Variants in SPATS2L observed in about 807,000 individuals in gnomAD.
SPATS2L encodes SPATS2-like protein.
In SPATS2L, 30 loss-of-function variants were observed where a neutral mutation model predicts 59.6. That is an observed-to-expected ratio of 0.50 (90% CI 0.38 to 0.68). The LOEUF is 0.68. SPATS2L is among the 30% of genes least tolerant of loss of function. The probability of loss-of-function intolerance (pLI) is 0.00; values close to 1 mark genes in which losing one functional copy is unlikely to be tolerated. For synonymous variants in SPATS2L, 252 were observed against 263.5 expected (o/e 0.96, Z 0.42); for missense variants, 615 against 700.0 (o/e 0.88, Z 1.37).
Position 200,419,440 on chromosome 2 carries a change from G to C in SPATS2L, c.389G>C (p.Arg130Pro). ...AACGAAAAACCAGCCCTTATCCCTC[G>C]TGAGAAAAAGATCTCGATACTTGAG... ...SANEKPALIPREKKISILEEP... is the reference protein window; with the variant it reads ...SANEKPALIPPEKKISILEEP... The change falls in exon 6 of 13, where the codon CGT becomes CCT. Residue 130 changes from arginine (R) to proline (P), a missense_variant. By Grantham distance (103) the Arg-to-Pro change is moderately radical. This residue lies in a region of SPATS2L where 227 missense variants were observed against 257.4 expected (regional missense o/e 0.88). Coordinates refer to ENST00000409140, the MANE Select transcript of SPATS2L (RefSeq NM_001100423.2). 1 of 1,613,818 alleles carries C rather than the reference G, an allele frequency of 6.2e-7. No homozygotes were observed.
At chr2:200,457,929 A>G (rs2085964754) in intron 8 of SPATS2L, among the ~76,000 whole-genome samples, 1 of 152,252 alleles carries the variant, frequency 6.6e-6, no homozygotes, top group Non-Finnish European at 1.5e-5. Flanking sequence ...CTGATGGAGA[A>G]GAAAAAGTCC....
intron 6 of SPATS2L, among the ~76,000 whole-genome samples, chr2:200,433,086 T>C (rs1159783825): frequency 6.6e-6 from 1 of 152,152 alleles, no homozygotes; most frequent in Non-Finnish European, 1.5e-5. Flanking sequence ...AAGCCTCATA[T>C]CCAAGGGTCA....
Position 200,450,032 on chromosome 2 carries a change from A to C in SPATS2L, c.788+9248A>C, listed in dbSNP as rs556417452. On this transcript the variant is annotated intron_variant, in intron 8 of 12. Transcript: ENST00000409140. ...AAGACGCATTTTCCAAGGTTTATTA[A>C]CCACTTAATTAGGAGGCACGGGATG... Among the ~76,000 whole-genome samples the C allele has an allele frequency of 1.1e-4, 17 of 152,346 alleles. No individual in the cohort carries two copies. In the South Asian group the frequency reaches 3.5e-3, roughly 32 times the overall value.
chr2:200,422,231 A>T (rs1005857978), intron 6 of SPATS2L, among the ~76,000 whole-genome samples: 2 of 152,298 alleles, frequency 1.3e-5, no homozygotes, highest in South Asian at 4.1e-4. Flanking sequence ...CTGTGCAATA[A>T]ATTTTTCTGT....
chr2:200,368,655 T>C (rs1237561249), intron 2 of SPATS2L, among the ~76,000 whole-genome samples: 1 of 152,172 alleles, frequency 6.6e-6, no homozygotes, highest in Non-Finnish European at 1.5e-5. Context: ...GCTTTTGTGC[T>C]AACTAAGGAG....
intron 6 of SPATS2L, among the ~76,000 whole-genome samples, chr2:200,433,610 AAATAT>A (rs983762984): frequency 6.6e-6 from 1 of 152,112 alleles, no homozygotes; most frequent in Non-Finnish European, 1.5e-5. Context: ...ATCATAATGA[AAATAT>A]AATAAACCAA....
intron 2 of SPATS2L, among the ~76,000 whole-genome samples, chr2:200,369,986 G>C (rs1025428809): frequency 2.0e-5 from 3 of 152,200 alleles, no homozygotes; most frequent in Admixed American, 6.5e-5. Context: ...AACAAAATGT[G>C]AGTAAGAAGG....
chr2:200,430,835 A>C (rs1210493104), intron 6 of SPATS2L, among the ~76,000 whole-genome samples: 1 of 150,016 alleles, frequency 6.7e-6, no homozygotes, highest in African/African-American at 2.5e-5. Context: ...CTCGTGCCTC[A>C]GCTTCCCAAG....
chr2:200,321,980 G>A (rs1004194527), intron 1 of SPATS2L, among the ~76,000 whole-genome samples: 3 of 152,168 alleles, frequency 2.0e-5, no homozygotes, highest in African/African-American at 7.2e-5. Context: ...TTCCATTCTG[G>A]CATGTAGTTC....
At chr2:200,402,554 G>A (rs1490395456) in intron 3 of SPATS2L, among the ~76,000 whole-genome samples, 1 of 152,162 alleles carries the variant, frequency 6.6e-6, no homozygotes, top group Admixed American at 6.5e-5. Context: ...TCAGTCCTTG[G>A]AGGGGGCTTC....
chr2:200,365,162 G>T (rs1478022457), intron 2 of SPATS2L, among the ~76,000 whole-genome samples: 1 of 152,180 alleles, frequency 6.6e-6, no homozygotes, highest in Admixed American at 6.5e-5. Flanking sequence ...CAACAGAATT[G>T]TATTCCTACT....
At chr2:200,330,973 C>T (rs115406434) in intron 2 of SPATS2L, among the ~76,000 whole-genome samples, 1,614 of 152,314 alleles carry the variant, frequency 0.011, 15 homozygotes, top group Non-Finnish European at 0.018. Flanking sequence ...AACCATATGC[C>T]ACATGAGCAC....
intron 6 of SPATS2L, among the ~76,000 whole-genome samples, chr2:200,421,287 TA>T (rs2083297859): frequency 6.6e-6 from 1 of 152,040 alleles, no homozygotes; most frequent in African/African-American, 2.4e-5. Flanking sequence ...ACTGAGGTGG[TA>T]AAAAGGATTT....
intron 2 of SPATS2L, among the ~76,000 whole-genome samples, chr2:200,372,844 T>C (rs1477525189): frequency 5.3e-5 from 8 of 152,096 alleles, no homozygotes; most frequent in Non-Finnish European, 1.2e-4. Context: ...TGCAGATACA[T>C]TGTGAGGTCT....
At chr2:200,463,011 A>G (rs141902630) in intron 9 of SPATS2L, among the ~76,000 whole-genome samples, 191 of 152,120 alleles carry the variant, frequency 1.3e-3, no homozygotes, top group African/African-American at 4.2e-3. Context: ...CACGTCAGGC[A>G]CTTAGCACAG....
chr2:200,388,600 A>G (rs941657877), intron 2 of SPATS2L, among the ~76,000 whole-genome samples: 1 of 55,866 alleles, frequency 1.8e-5, no homozygotes, highest in Non-Finnish European at 3.5e-5. Context: ...TCAAAAAAAA[A>G]GGTTTTGAGA....
chr2:200,474,715 A>G (rs755495901), intron 12 of SPATS2L, among the ~76,000 whole-genome samples: 1 of 152,200 alleles, frequency 6.6e-6, no homozygotes, highest in Non-Finnish European at 1.5e-5. Flanking sequence ...AGTACTATCT[A>G]TGTAGATACT....
intron 1 of SPATS2L, among the ~76,000 whole-genome samples, chr2:200,329,177 G>A (rs1237260806): frequency 6.6e-6 from 1 of 152,190 alleles, no homozygotes; most frequent in Non-Finnish European, 1.5e-5. Context: ...CATTACATAT[G>A]TTATATATCA....
At chr2:200,315,379 G>A (rs906401250) in intron 1 of SPATS2L, among the ~76,000 whole-genome samples, 17 of 152,168 alleles carry the variant, frequency 1.1e-4, no homozygotes, top group African/African-American at 4.1e-4. Context: ...AATTCTCGTG[G>A]TATGGTAGAG....
Sources: gnomAD v4.1 joint callset for allele counts (sites outside exome capture counted in the v4.1 genomes callset) on GRCh38, gnomAD v4.1.1 for gene constraint, gnomAD v4.1.1 regional missense constraint, MANE v1.5 for transcripts, NCBI Gene and HGNC (gene_info 2026-07-23, HGNC 2026-07-21) for gene names.